The following MAGED1 variants were observed in gnomAD, a reference collection of about 807,000 sequenced individuals.
The protein encoded by MAGED1 is melanoma-associated antigen D1.
In MAGED1, 3 loss-of-function variants were observed where a neutral mutation model predicts 54.1. The observed-to-expected ratio is 0.06, with a 90% CI of 0.03 to 0.14. The LOEUF is 0.14. Among genes scored for constraint, MAGED1 ranks in the 10% least tolerant of loss-of-function variants. The pLI is 1.00. For synonymous variants in MAGED1, 217 were observed against 227.3 expected (o/e 0.95, Z 0.41); for missense variants, 485 against 623.4 (o/e 0.78, Z 2.36).
At chrX:51,826,879 T>TATTTA (rs1816475364) in intron 1 of MAGED1, among the ~76,000 whole-genome samples, 2 of 112,605 alleles carry the variant, frequency 1.8e-5, no homozygotes, top group Non-Finnish European at 3.7e-5. Context: ...CGTTCCTTGA[T>TATTTA]ATTTACTCAA....
At chrX:51,812,181 T>C (rs1470619315) in intron 1 of MAGED1, among the ~76,000 whole-genome samples, 3 of 108,318 alleles carry the variant, frequency 2.8e-5, no homozygotes, top group Non-Finnish European at 3.8e-5. Flanking sequence ...ATAATAAAAA[T>C]AAATAAATAA....
At chrX:51,844,662 C>T (rs1926619391) in intron 1 of MAGED1, among the ~76,000 whole-genome samples, 1 of 111,864 alleles carries the variant, frequency 8.9e-6, no homozygotes, top group African/African-American at 3.2e-5. Context: ...CCTTTTGCTA[C>T]TGCCTTGGAA....
intron 1 of MAGED1, among the ~76,000 whole-genome samples, chrX:51,874,110 G>A (rs1293440238): frequency 9.0e-6 from 1 of 111,501 alleles, no homozygotes; most frequent in African/African-American, 3.3e-5. Flanking sequence ...TGAAAATCAC[G>A]ATGGTGCTAG....
chrX:51,824,736 G>GTA (rs782294360), intron 1 of MAGED1, among the ~76,000 whole-genome samples: 85 of 91,053 alleles, frequency 9.3e-4, no homozygotes, highest in East Asian at 3.9e-3. Context: ...GTGTGTGTCT[G>GTA]TATATATATA....
At chrX:51,874,540 A>G (rs1927800043) in intron 1 of MAGED1, among the ~76,000 whole-genome samples, 1 of 111,479 alleles carries the variant, frequency 9.0e-6, no homozygotes, top group Non-Finnish European at 1.9e-5. Flanking sequence ...CTTCAAGTTC[A>G]CTAATCTTTA....
intron 1 of MAGED1, among the ~76,000 whole-genome samples, chrX:51,808,867 A>G (rs1925118702): frequency 8.9e-6 from 1 of 112,361 alleles, no homozygotes; most frequent in Non-Finnish European, 1.9e-5. Flanking sequence ...CTCAGTATGT[A>G]TCTCTAATTC....
intron 1 of MAGED1, among the ~76,000 whole-genome samples, chrX:51,863,326 TTG>T (rs1373844886): frequency 3.6e-5 from 4 of 112,430 alleles, no homozygotes; most frequent in Admixed American, 9.4e-5. Context: ...CAATATTCCA[TTG>T]TGTGTGTGTA....
At chrX:51,865,483 T>G (rs1557361038) in intron 1 of MAGED1, among the ~76,000 whole-genome samples, 1 of 111,696 alleles carries the variant, frequency 9.0e-6, no homozygotes, top group East Asian at 2.8e-4. Context: ...CTTCTATCAT[T>G]TAGTTAAATA....
At chrX:51,899,091 T>C (rs927933638) in intron 10 of MAGED1, 1 of 116,090 alleles carries the variant, frequency 8.6e-6, no homozygotes, top group African/African-American at 3.2e-5. Flanking sequence ...GAAACACTTA[T>C]GTCCTCAGGA....
At chrX:51,826,218 G>A (rs781929334) in intron 1 of MAGED1, among the ~76,000 whole-genome samples, 1 of 112,313 alleles carries the variant, frequency 8.9e-6, no homozygotes, top group South Asian at 3.7e-4. Context: ...TTTATTAGAT[G>A]TCTCTTTGGG....
chrX:51,832,221 G>A (rs997058769), intron 1 of MAGED1, among the ~76,000 whole-genome samples: 58 of 110,602 alleles, frequency 5.2e-4, no homozygotes, highest in African/African-American at 1.8e-3. Context: ...GTAGGGATGG[G>A]GTTTCACCAT....
intron 1 of MAGED1, among the ~76,000 whole-genome samples, chrX:51,831,335 G>A (rs1301358514): frequency 2.7e-5 from 3 of 112,308 alleles, no homozygotes; most frequent in African/African-American, 9.7e-5. Flanking sequence ...TTTTAGGCTG[G>A]AGGCAGTGGC....
At chrX:51,896,115 G>A in intron 3 of MAGED1, 1 of 381,262 alleles carries the variant, frequency 2.6e-6, no homozygotes, top group Admixed American at 5.0e-5. Context: ...AGGAAATTAA[G>A]TGCCAGAGAG....
chrX:51,835,101 C>T (rs1335609776), intron 1 of MAGED1, among the ~76,000 whole-genome samples: 1 of 111,261 alleles, frequency 9.0e-6, no homozygotes, highest in African/African-American at 3.3e-5. Flanking sequence ...CTTGTGAAGT[C>T]GTCTGACTCT....
chrX:51,898,527 C>T, intron 9 of MAGED1, 54 bp from the exon 10 acceptor site: 1 of 1,095,762 alleles, frequency 9.1e-7, no homozygotes, highest in African/African-American at 1.8e-5. Flanking sequence ...TTCTGGAAAG[C>T]TCTTTGGGCA....
rs782029105 is a variant in MAGED1 at position 51,817,687 on chromosome X, TGAG to T, written c.-37+14574_-37+14576del. 3.6e-5 allele frequency among the ~76,000 whole-genome samples: 4 copies of T among 112,217 alleles called. No individual in the cohort carries two copies. The East Asian group carries it at 8.5e-4, about 24-fold the overall frequency. On this transcript the variant is annotated intron_variant, in intron 1 of 12. Coordinates refer to the MAGED1 transcript ENST00000375772. ...ATGTTACATTGATGACATCCTTCCC[TGAG>T]GAGATTTATTTGACACACTCATTCA...
chrX:51,851,834 A>G (rs1926904004), intron 1 of MAGED1, among the ~76,000 whole-genome samples: 2 of 111,413 alleles, frequency 1.8e-5, no homozygotes, highest in Non-Finnish European at 3.8e-5. Flanking sequence ...CCCATTTAAT[A>G]TTTTTGGACT....
chrX:51,812,153 C>A (rs782646124), intron 1 of MAGED1, among the ~76,000 whole-genome samples: 1 of 107,670 alleles, frequency 9.3e-6, no homozygotes, highest in Non-Finnish European at 1.9e-5. Flanking sequence ...GCACATGTAC[C>A]CTAAAACTTA....
chrX:51,828,371 A>G (rs1925933967), intron 1 of MAGED1, among the ~76,000 whole-genome samples: 1 of 111,385 alleles, frequency 9.0e-6, no homozygotes, highest in Non-Finnish European at 1.9e-5. Flanking sequence ...GTTACCTCCT[A>G]GATTGATTAA....
Sources: gnomAD v4.1 joint callset for allele counts (sites outside exome capture counted in the v4.1 genomes callset) on GRCh38, gnomAD v4.1.1 for gene constraint, MANE v1.5 for transcripts, NCBI Gene and HGNC (gene_info 2026-07-23, HGNC 2026-07-21) for gene names.